The following API5 variants were observed in gnomAD, a reference collection of about 807,000 sequenced individuals.
API5 encodes the protein apoptosis inhibitor 5, also known as FIF.
In API5, 6 loss-of-function variants were observed where a neutral mutation model predicts 71.9. The observed-to-expected ratio is 0.08, with a 90% CI of 0.05 to 0.16. The LOEUF (loss-of-function observed/expected upper bound fraction) is 0.16, where lower values mean the gene tolerates loss of function less well. Ranked by LOEUF, API5 falls within the 10% of genes least tolerant of loss-of-function variation. The pLI is 1.00. For missense variants in API5, 332 were observed against 612.8 expected (o/e 0.54, Z 4.84); for synonymous variants, 189 against 221.3 (o/e 0.85, Z 1.30).
Position 43,343,543 on chromosome 11 carries a change from C to CA in API5, c.*1034dup, listed in dbSNP as rs1324650242. 2 of 152,472 alleles carry CA rather than the reference C, an allele frequency of 1.3e-5. No individual in the cohort carries two copies. Among genetic ancestry groups the CA allele is most frequent in the Admixed American group, 1.3e-4 (2 of 15,252 alleles). The allele number at this position is 152,472 out of a possible 1,614,324, so 9.4% of individuals were successfully genotyped here. On this transcript the variant is annotated 3_prime_UTR_variant, in exon 14 of 14. Coordinates refer to ENST00000531273, the MANE Select transcript of API5 (RefSeq NM_001142930.2). Reference sequence around the variant, plus strand: ...ATTTACAATTTGGAGATTTAATAACCAGGGCTACCCAGAAAAAGTGACTTG... The same window carrying CA: ...ATTTACAATTTGGAGATTTAATAACCAAGGGCTACCCAGAAAAAGTGACTTG...
At chr11:43,330,331 T>G (rs1377443174) in intron 10 of API5, 177 bp from the exon 11 acceptor site, 6 of 648,140 alleles carry the variant, frequency 9.3e-6, no homozygotes, top group Non-Finnish European at 1.4e-5. Context: ...TACATCTAGA[T>G]TTGTTTAGAG....
chr11:43,320,878 C>T lies in API5; in HGVS notation c.289C>T (p.Arg97Ter). ...ATTTGCCACTGGAGAAAATCTTCCT[C>T]GAGTGGCAGATATACTAACGCAACT... ...PQFATGENLP[R>*]VADILTQLLQ... Residue 97 changes from arginine to a stop codon, truncating the protein, a stop_gained, in exon 3 of 14, where the codon CGA (arginine) becomes TGA (stop). Coordinates refer to ENST00000531273, the MANE Select transcript of API5 (RefSeq NM_001142930.2). LOFTEE classifies it high-confidence loss of function. The T allele has an allele frequency of 6.2e-7, 1 of 1,612,110 alleles. No homozygotes were observed. The highest frequency in any genetic ancestry group is 8.5e-7 in the Non-Finnish European group (1 of 1,179,982).
intron 11 of API5, 123 bp downstream of exon 11, chr11:43,330,687 G>C: frequency 2.7e-6 from 2 of 746,342 alleles, no homozygotes; most frequent in Non-Finnish European, 4.5e-6. Flanking sequence ...CTGGCTCAAA[G>C]CATTGAAACA....
chr11:43,316,032 C>T (rs1293582536), intron 1 of API5, among the ~76,000 whole-genome samples: 4 of 152,146 alleles, frequency 2.6e-5, no homozygotes, highest in African/African-American at 9.7e-5. Flanking sequence ...CCTGATTCCT[C>T]CTGTTCTCTC....
Position 43,318,679 on chromosome 11 carries a change from G to T in API5, c.109G>T (p.Gly37Cys). The change falls in exon 2 of 14, where the codon GGT (glycine) becomes TGT (cysteine). Residue 37 changes from glycine (G) to cysteine (C), a missense_variant. By Grantham distance (159) the Gly-to-Cys change is radical (BLOSUM62 -3). Around this residue, in one of 3 missense-constraint regions of API5, gnomAD observed 127 missense variants for 237.6 expected, o/e 0.53. Coordinates refer to ENST00000531273, the MANE Select transcript of API5 (RefSeq NM_001142930.2). ...TCAAGTGATATTGGATGGTGTGAAA[G>T]GTGGTACTAAGGAAAAGCGATTAGC... The part of the protein sequence containing the change: ...AYQVILDGVK[G>C]GTKEKRLAAQ... 1 of 1,613,482 alleles carries T rather than the reference G, an allele frequency of 6.2e-7. No homozygotes were observed. The highest frequency in any genetic ancestry group is 8.5e-7 in the Non-Finnish European group (1 of 1,180,000).
chr11:43,312,598 G>C (rs572076927), intron 1 of API5, among the ~76,000 whole-genome samples: 2 of 151,812 alleles, frequency 1.3e-5, no homozygotes, highest in Admixed American at 6.6e-5. Flanking sequence ...TGTTTTTTTT[G>C]GGGGGGAGGC....
chr11:43,335,982 A>T lies in API5; in HGVS notation c.1480A>T (p.Asn494Tyr). 6.2e-7 allele frequency: 1 copy of T among 1,614,090 alleles called. No individual in the cohort carries two copies. Among genetic ancestry groups the T allele is most frequent in the Non-Finnish European group, 8.5e-7 (1 of 1,179,998 alleles). Residue 494 changes from asparagine to tyrosine, a missense_variant, in exon 13 of 14, where the codon AAC (asparagine) becomes TAC (tyrosine). By Grantham distance (143) the Asn-to-Tyr change is moderately radical. Around this residue, in one of 3 missense-constraint regions of API5, gnomAD observed 168 missense variants for 343.9 expected, o/e 0.49. Coordinates refer to ENST00000531273, the MANE Select transcript of API5 (RefSeq NM_001142930.2). ...PSGKYSSNLG[N>Y]FNYEQRGAFR... Reference sequence around the variant, plus strand: ...TGGGAAATATAGCAGCAATTTGGGCAACTTTAATTATGGTGAGCGTTTCCG... The same window carrying T: ...TGGGAAATATAGCAGCAATTTGGGCTACTTTAATTATGGTGAGCGTTTCCG...
chr11:43,314,472 T>C (rs895724985), intron 1 of API5, among the ~76,000 whole-genome samples: 1 of 152,224 alleles, frequency 6.6e-6, no homozygotes, highest in African/African-American at 2.4e-5. Context: ...AAAAATCTAC[T>C]CTTTATTTAG....
At chr11:43,321,869 G>A in intron 4 of API5, 116 bp from the exon 5 acceptor site, 1 of 1,029,142 alleles carries the variant, frequency 9.7e-7, no homozygotes, top group Non-Finnish European at 1.4e-6. Context: ...TAATGAGGAT[G>A]ATATTTGGGA....
intron 9 of API5, chr11:43,329,392 G>A (rs1855178313): frequency 6.5e-6 from 1 of 154,942 alleles, no homozygotes; most frequent in Admixed American, 6.3e-5. Flanking sequence ...AGACAGAAAT[G>A]ACTTAACAAA....
intron 11 of API5, among the ~76,000 whole-genome samples, chr11:43,334,692 A>G (rs1303682018): frequency 1.3e-5 from 2 of 152,180 alleles, no homozygotes; most frequent in African/African-American, 2.4e-5. Context: ...AAACATTTGC[A>G]TTCCTACCAC....
rs1202654788 is a variant in API5, at chr11:43,335,671, G to A, written c.1356-187G>A. Among the ~76,000 whole-genome samples the A allele has an allele frequency of 2.6e-5, 4 of 152,258 alleles. No homozygotes were observed. In the East Asian group the frequency reaches 7.7e-4, roughly 29 times the overall value. On this transcript the variant is annotated intron_variant, in intron 12 of 13. Transcript: ENST00000531273. ...CAGATTATTTTAAAGGCTTGTAAATGCCTTCTGACATTGTCTGCATAACCA... is the reference window on the plus strand; with the variant it reads ...CAGATTATTTTAAAGGCTTGTAAATACCTTCTGACATTGTCTGCATAACCA...
chr11:43,323,572 C>T lies in API5; in HGVS notation c.686C>T (p.Pro229Leu), dbSNP rs1854966180. The change falls in exon 6 of 14, where the codon CCC becomes CTC. Residue 229 changes from proline to leucine, a missense_variant. Physicochemically the swap from Pro to Leu is moderately conservative, Grantham distance 98 (BLOSUM62 -3). Coordinates refer to ENST00000531273, the MANE Select transcript of API5 (RefSeq NM_001142930.2). The stretch of plus-strand genomic sequence containing the variant: ...GCCGACCTAGAACAGACCTTCAATC[C>T]CTCGGATCCTGACTGTGTGGACAGG... ...EQADLEQTFN[P>L]SDPDCVDRLL... 1.2e-6 allele frequency: 2 copies of T among 1,614,080 alleles called. No homozygotes were observed. Among genetic ancestry groups the T allele is most frequent in the Non-Finnish European group, 1.7e-6 (2 of 1,179,968 alleles).
intron 7 of API5, among the ~76,000 whole-genome samples, chr11:43,327,079 C>T (rs1855100883): frequency 6.6e-6 from 1 of 152,226 alleles, no homozygotes; most frequent in African/African-American, 2.4e-5. Flanking sequence ...TGATTCACCT[C>T]TGTATCCCCA....
chr11:43,335,815 T>C, intron 12 of API5, 43 bp from the exon 13 acceptor site: 1 of 1,562,644 alleles, frequency 6.4e-7, no homozygotes, highest in Non-Finnish European at 8.6e-7. Context: ...AGCTTTTGGC[T>C]TAATAGAATG....
chr11:43,341,239 G>T (rs1267631479), intron 13 of API5, among the ~76,000 whole-genome samples: 1 of 152,094 alleles, frequency 6.6e-6, no homozygotes, highest in East Asian at 1.9e-4. Context: ...TCAGGGAAGA[G>T]ATTTTATCTC....
Position 43,343,912 on chromosome 11 carries a change from C to A in API5, c.*1402C>A, listed in dbSNP as rs1469846710. The A allele has an allele frequency of 6.6e-6, 1 of 152,570 alleles. No individual in the cohort carries two copies. The highest frequency in any genetic ancestry group is 2.4e-5 in the African/African-American group (1 of 41,440). 9.5% of individuals were successfully genotyped at this position (152,570 alleles called of 1,614,324 possible). A position where few individuals can be genotyped will look rare whatever the true frequency, so the allele number is the denominator to read the frequency against. On this transcript the variant is annotated 3_prime_UTR_variant, in exon 14 of 14. Coordinates refer to ENST00000531273, the MANE Select transcript of API5 (RefSeq NM_001142930.2). ...GATTCCAATGCAGGTGTCTTCATTA[C>A]CATTACCTCTACACTGCAGAAGAAG... is the stretch of plus-strand genomic sequence containing the variant.
chr11:43,315,820 G>T (rs1854650366), intron 1 of API5, among the ~76,000 whole-genome samples: 1 of 151,912 alleles, frequency 6.6e-6, no homozygotes, highest in African/African-American at 2.4e-5. Context: ...TCTGCCCAGG[G>T]CTCCTGACTA....
At chr11:43,317,286 T>C (rs1216518504) in intron 1 of API5, among the ~76,000 whole-genome samples, 2 of 152,206 alleles carry the variant, frequency 1.3e-5, no homozygotes, top group African/African-American at 4.8e-5. Context: ...ATCAGTGTCA[T>C]TTCATAAAAG....
Sources: allele counts gnomAD v4.1 joint callset (sites outside exome capture counted in the v4.1 genomes callset), GRCh38; gene constraint gnomAD v4.1.1; regional missense constraint gnomAD v4.1.1; transcripts MANE v1.5; gene names NCBI Gene and HGNC (gene_info 2026-07-23, HGNC 2026-07-21).